KLHL1: variants seen among roughly 807,000 people sequenced by gnomAD.
KLHL1 encodes kelch like family member 1.
KLHL1 carries 47 observed loss-of-function variants against 77.7 expected under a neutral mutation model. The ratio of observed to expected loss-of-function variants is 0.60; its 90% confidence interval spans 0.48 to 0.77. KLHL1 has a LOEUF of 0.77. KLHL1 is among the 30% of genes least tolerant of loss of function. The pLI is 0.00. For missense variants in KLHL1, 925 were observed against 910.8 expected (o/e 1.02, Z -0.20); for synonymous variants, 360 against 325.2 (o/e 1.11, Z -1.15).
At chr13:69,724,008 T>C (rs2137902199) in intron 8 of KLHL1, among the ~76,000 whole-genome samples, 1 of 152,154 alleles carries the variant, frequency 6.6e-6, no homozygotes, top group South Asian at 2.1e-4. Context: ...TGGATAATTT[T>C]TGTATTTTTA....
intron 3 of KLHL1, 21 bp downstream of exon 3, chr13:69,961,287 G>A (rs771429981): frequency 9.4e-6 from 15 of 1,595,278 alleles, no homozygotes; most frequent in Non-Finnish European, 1.1e-5. Context: ...TCAGAATGAT[G>A]TTATAATTAT....
chr13:69,846,209 C>T (rs1019352820), intron 5 of KLHL1, among the ~76,000 whole-genome samples: 4 of 151,510 alleles, frequency 2.6e-5, no homozygotes, highest in African/African-American at 9.7e-5. Context: ...GACTTTTCCA[C>T]AGGCAATATG....
chr13:69,866,766 T>C lies in KLHL1; in HGVS notation c.1227+15517A>G, dbSNP rs149901873. Among the ~76,000 whole-genome samples the C allele has an allele frequency of 6.5e-3, 982 of 152,194 alleles. 7 individuals are homozygous for C. The highest frequency in any genetic ancestry group is 0.022 in the African/African-American group (902 of 41,544). On this transcript the variant is annotated intron_variant, in intron 5 of 10. Transcript: ENST00000377844. ...ATAATATTTGCCCAGGGACAAAGCA[T>C]TGGGAAATGCTTATCTAGGGCAATT...
chr13:70,017,010 T>C (rs1885675698), intron 1 of KLHL1, among the ~76,000 whole-genome samples: 1 of 152,184 alleles, frequency 6.6e-6, no homozygotes, highest in African/African-American at 2.4e-5. Flanking sequence ...AACACTTATA[T>C]GGACAACCTG....
intron 1 of KLHL1, among the ~76,000 whole-genome samples, chr13:69,994,570 A>C (rs537894037): frequency 5.9e-5 from 9 of 152,134 alleles, no homozygotes; most frequent in Non-Finnish European, 1.3e-4. Context: ...GATATATCAC[A>C]CATCAAATAA....
intron 5 of KLHL1, among the ~76,000 whole-genome samples, chr13:69,848,585 A>G (rs1023398774): frequency 2.6e-5 from 4 of 151,618 alleles, no homozygotes; most frequent in African/African-American, 9.7e-5. Flanking sequence ...ATGAAAGAAA[A>G]GTAGATACAA....
chr13:69,782,011 C>A (rs1469053317), intron 7 of KLHL1, among the ~76,000 whole-genome samples: 1 of 152,086 alleles, frequency 6.6e-6, no homozygotes, highest in Non-Finnish European at 1.5e-5. Context: ...TTTGAAGAGA[C>A]ATTTCTTACA....
chr13:69,804,653 G>A (rs913041968), intron 6 of KLHL1, among the ~76,000 whole-genome samples: 6 of 152,052 alleles, frequency 3.9e-5, no homozygotes, highest in East Asian at 3.9e-4. Context: ...GCAATGGGTG[G>A]CAGTGAGAAA....
chr13:69,927,616 A>G (rs142046551), intron 4 of KLHL1, among the ~76,000 whole-genome samples: 1 of 152,202 alleles, frequency 6.6e-6, no homozygotes, highest in African/African-American at 2.4e-5. Context: ...CATTTCTCCA[A>G]AGAGGATATA....
intron 3 of KLHL1, among the ~76,000 whole-genome samples, chr13:69,950,312 T>G (rs1219153411): frequency 6.6e-6 from 1 of 151,588 alleles, no homozygotes; most frequent in Non-Finnish European, 1.5e-5. Flanking sequence ...CTACTCTAAT[T>G]ACATATCCAT....
intron 1 of KLHL1, among the ~76,000 whole-genome samples, chr13:70,093,619 A>T (rs1203239239): frequency 2.6e-5 from 4 of 152,128 alleles, no homozygotes; most frequent in African/African-American, 4.8e-5. Flanking sequence ...TAAATTGTGT[A>T]TAAGGGGGGA....
At chr13:69,744,228 TAGGTG>T (rs1044671014) in intron 7 of KLHL1, among the ~76,000 whole-genome samples, 14 of 152,006 alleles carry the variant, frequency 9.2e-5, no homozygotes, top group Non-Finnish European at 1.5e-4. Context: ...AATGGCCAGA[TAGGTG>T]AGAGAAAAAT....
chr13:69,975,647 A>G lies in KLHL1; in HGVS notation c.653T>C (p.Val218Ala), dbSNP rs1480019910. The G allele has an allele frequency of 1.2e-6, 2 of 1,613,358 alleles. No homozygotes were observed. The highest frequency in any genetic ancestry group is 1.1e-5 in the South Asian group (1 of 91,026). Residue 218 changes from valine to alanine, a missense_variant, in exon 2 of 11, where the codon GTT (valine) becomes GCT (alanine). Coordinates refer to ENST00000377844, the MANE Select transcript of KLHL1 (RefSeq NM_020866.3). The stretch of plus-strand genomic sequence containing the variant: ...ATGTGCAGGTATCTTTCGGTTCCCA[A>G]CAATCAGGATAACATCACAAAGTTG... ...QQQLCDVILIVGNRKIPAHRL... is the reference protein window; with the variant it reads ...QQQLCDVILIAGNRKIPAHRL...
At chr13:69,945,036 A>G (rs1295841147) in intron 3 of KLHL1, among the ~76,000 whole-genome samples, 5 of 115,040 alleles carry the variant, frequency 4.3e-5, no homozygotes, top group African/African-American at 1.7e-4. Context: ...CCCAGGCTGG[A>G]GTGCAGTGGC....
intron 2 of KLHL1, among the ~76,000 whole-genome samples, chr13:69,972,660 T>C (rs1884420167): frequency 1.3e-5 from 2 of 152,000 alleles, no homozygotes; most frequent in South Asian, 4.1e-4. Context: ...TAACATTATT[T>C]CCAACTCAAG....
chr13:69,841,273 G>T (rs1024138087), intron 5 of KLHL1, among the ~76,000 whole-genome samples: 1 of 151,754 alleles, frequency 6.6e-6, no homozygotes, highest in Admixed American at 6.6e-5. Flanking sequence ...AAGAAGTCAA[G>T]TTTCTCCTGT....
At chr13:69,780,122 A>G (rs1593822139) in intron 7 of KLHL1, among the ~76,000 whole-genome samples, 3 of 152,172 alleles carry the variant, frequency 2.0e-5, no homozygotes, top group Middle Eastern at 3.4e-3. Flanking sequence ...TTTCTATTTT[A>G]TCAATCAGAT....
intron 4 of KLHL1, among the ~76,000 whole-genome samples, chr13:69,929,279 G>T (rs1882917024): frequency 6.6e-6 from 1 of 151,888 alleles, no homozygotes; most frequent in African/African-American, 2.4e-5. Context: ...TGGTTTTCAA[G>T]AATTGAAATT....
chr13:69,776,969 C>T (rs1346806367), intron 7 of KLHL1, among the ~76,000 whole-genome samples: 3 of 151,910 alleles, frequency 2.0e-5, no homozygotes, highest in Non-Finnish European at 2.9e-5. Flanking sequence ...TGGCTATGTC[C>T]CCACCCAAAT....
Sources: allele counts gnomAD v4.1 joint callset (sites outside exome capture counted in the v4.1 genomes callset), GRCh38; gene constraint gnomAD v4.1.1; transcripts MANE v1.5; gene names NCBI Gene and HGNC (gene_info 2026-07-23, HGNC 2026-07-21).